CD38: variants seen among roughly 807,000 people sequenced by gnomAD.
The protein encoded by CD38 is ADP-ribosyl cyclase/cyclic ADP-ribose hydrolase 1.
A neutral mutation model predicts 36.3 loss-of-function variants in CD38; 31 were observed. The ratio of observed to expected loss-of-function variants is 0.85; its 90% CI spans 0.64 to 1.15. The LOEUF (loss-of-function observed/expected upper bound fraction) is 1.15. Ranked by LOEUF, CD38 falls within the 50% of genes most tolerant of loss-of-function variation. The pLI is 0.00. For missense variants in CD38, 380 were observed against 371.9 expected (o/e 1.02, Z -0.18); for synonymous variants, 131 against 135.2 (o/e 0.97, Z 0.22).
chr4:15,824,744 TACA>T, intron 2 of CD38, 134 bp from the exon 3 acceptor site: 5 of 704,850 alleles, frequency 7.1e-6, no homozygotes, highest in Non-Finnish European at 9.8e-6. Context: ...CATTGATGCT[TACA>T]ACAATTCTTA....
chr4:15,815,873 C>A (rs543508159), intron 1 of CD38, among the ~76,000 whole-genome samples: 6 of 152,246 alleles, frequency 3.9e-5, no homozygotes, highest in African/African-American at 1.4e-4. Context: ...CAGCTTTTGC[C>A]CATTTAGTAT....
chr4:15,825,333 T>A, intron 3 of CD38: 1 of 295,968 alleles, frequency 3.4e-6, no homozygotes, highest in Non-Finnish European at 6.5e-6. Flanking sequence ...TTTACAGAGA[T>A]CACATGGTGA....
intron 2 of CD38, among the ~76,000 whole-genome samples, chr4:15,818,349 G>T (rs1723652128): frequency 6.6e-6 from 1 of 152,186 alleles, no homozygotes; most frequent in Admixed American, 6.5e-5. Context: ...GGGGCTTACA[G>T]ACAAAACCTC....
intron 1 of CD38, among the ~76,000 whole-genome samples, chr4:15,787,543 C>G (rs1472694724): frequency 6.6e-6 from 1 of 152,206 alleles, no homozygotes; most frequent in Admixed American, 6.5e-5. Context: ...AGTCCTGAGG[C>G]TTCAGGGTCA....
At chr4:15,812,565 T>C (rs1440353421) in intron 1 of CD38, among the ~76,000 whole-genome samples, 2 of 152,156 alleles carry the variant, frequency 1.3e-5, no homozygotes, top group Non-Finnish European at 2.9e-5. Flanking sequence ...CTGGGCATGG[T>C]GGCATGTGCC....
rs1398269129 is a variant in CD38 at position 15,849,774 on chromosome 4, G to A, written c.*1172G>A. The stretch of plus-strand genomic sequence containing the variant: ...TAGAAATGCTTTCTGATTTCTTTGG[G>A]TAGATTTACGTATTCAGCTTCTTGA... On this transcript the variant is annotated 3_prime_UTR_variant, in exon 8 of 8. Transcript: ENST00000226279. 2 of 152,070 alleles carry A rather than the reference G, an allele frequency of 1.3e-5. No individual in the cohort carries two copies. The highest frequency in any genetic ancestry group is 2.4e-5 in the African/African-American group (1 of 41,378). 9.4% of individuals were successfully genotyped at this position (152,070 alleles called of 1,614,324 possible).
chr4:15,816,868 AG>A, intron 2 of CD38: 1 of 485,310 alleles, frequency 2.1e-6, no homozygotes, highest in Non-Finnish European at 3.7e-6. Flanking sequence ...ATACAGAGAT[AG>A]GAAAGGGGCT....
At chr4:15,819,292 C>T (rs564486744) in intron 2 of CD38, among the ~76,000 whole-genome samples, 1 of 151,524 alleles carries the variant, frequency 6.6e-6, no homozygotes, top group African/African-American at 2.4e-5. Flanking sequence ...TGTAACAAAA[C>T]TGCACATTCT....
At chr4:15,780,534 A>ACACACACACACACACG (rs1722671739) in intron 1 of CD38, among the ~76,000 whole-genome samples, 2 of 144,172 alleles carry the variant, frequency 1.4e-5, no homozygotes, top group African/African-American at 5.4e-5. Flanking sequence ...ACACACACAC[A>ACACACACACACACACG]CACACACACA....
chr4:15,808,546 TAAG>T (rs1422313748), intron 1 of CD38, among the ~76,000 whole-genome samples: 1 of 152,152 alleles, frequency 6.6e-6, no homozygotes, highest in Non-Finnish European at 1.5e-5. Context: ...ATTGAGACTA[TAAG>T]AAGGAGAATA....
At chr4:15,812,745 T>C (rs911430642) in intron 1 of CD38, among the ~76,000 whole-genome samples, 1 of 152,142 alleles carries the variant, frequency 6.6e-6, no homozygotes, top group African/African-American at 2.4e-5. Context: ...GATCCATGAA[T>C]GTAGAATGTT....
At chr4:15,816,467 T>TA in intron 1 of CD38, 44 bp from the exon 2 acceptor site, 1 of 1,493,894 alleles carries the variant, frequency 6.7e-7, no homozygotes. Flanking sequence ...AAAATATTTT[T>TA]AAAATCAAAT....
chr4:15,797,460 C>G (rs758238746), intron 1 of CD38, among the ~76,000 whole-genome samples: 41 of 152,032 alleles, frequency 2.7e-4, no homozygotes, highest in Non-Finnish European at 4.9e-4. Context: ...TGATTTTTTC[C>G]CAGTGTGTTT....
chr4:15,824,860 A>G (rs746811693), intron 2 of CD38, 21 bp from the exon 3 acceptor site: 1 of 1,600,816 alleles, frequency 6.2e-7, no homozygotes, highest in Non-Finnish European at 8.5e-7. Flanking sequence ...TCAGTAATAG[A>G]TTGTATTTAT....
intron 3 of CD38, among the ~76,000 whole-genome samples, chr4:15,831,950 G>C (rs1723969195): frequency 6.6e-6 from 1 of 152,060 alleles, no homozygotes; most frequent in African/African-American, 2.4e-5. Flanking sequence ...CAATTTTCTA[G>C]ATCCTGCCAG....
intron 1 of CD38, among the ~76,000 whole-genome samples, chr4:15,805,807 T>G (rs560526425): frequency 6.6e-6 from 1 of 152,220 alleles, no homozygotes; most frequent in Non-Finnish European, 1.5e-5. Context: ...AAGGTGGCAG[T>G]CTTTACCTTC....
At chr4:15,803,868 T>C (rs1691897814) in intron 1 of CD38, among the ~76,000 whole-genome samples, 1 of 152,158 alleles carries the variant, frequency 6.6e-6, no homozygotes. Flanking sequence ...GCGTACCCAA[T>C]GTTTAGCTCC....
intron 5 of CD38, 57 bp from the exon 6 acceptor site, chr4:15,839,969 G>A: frequency 8.9e-7 from 1 of 1,123,710 alleles, no homozygotes; most frequent in East Asian, 2.3e-5. Context: ...GTTGAGGGGG[G>A]TGTGGATGCT....
intron 1 of CD38, among the ~76,000 whole-genome samples, chr4:15,782,180 C>A (rs1722713174): frequency 6.6e-6 from 1 of 152,190 alleles, no homozygotes. Context: ...AAAAGTGGAG[C>A]CTGGCAAGCC....
Sources: gnomAD v4.1 joint callset for allele counts (sites outside exome capture counted in the v4.1 genomes callset) on GRCh38, gnomAD v4.1.1 for gene constraint, MANE v1.5 for transcripts, NCBI Gene and HGNC (gene_info 2026-07-23, HGNC 2026-07-21) for gene names.